The following SKAP1 variants were observed in gnomAD, a reference collection of about 807,000 sequenced individuals.
SKAP1 encodes src kinase-associated phosphoprotein 1.
A neutral mutation model predicts 58.5 loss-of-function variants in SKAP1; 44 were observed. The observed-to-expected ratio is 0.75, with a 90% confidence interval of 0.59 to 0.97. The LOEUF (loss-of-function observed/expected upper bound fraction) is 0.97. Ranked by LOEUF, SKAP1 falls within the 50% of genes least tolerant of loss-of-function variation. SKAP1 has a pLI of 0.00. For missense variants in SKAP1, 390 were observed against 435.2 expected (o/e 0.90, Z 0.92); for synonymous variants, 127 against 149.7 (o/e 0.85, Z 1.11).
chr17:48,217,537 C>T (rs1386720307), intron 4 of SKAP1, among the ~76,000 whole-genome samples: 3 of 152,046 alleles, frequency 2.0e-5, no homozygotes, highest in Non-Finnish European at 4.4e-5. Flanking sequence ...GTCCCAGCTG[C>T]TCGGGAGGCT....
At chr17:48,425,150 C>A (rs1182360704) in intron 1 of SKAP1, among the ~76,000 whole-genome samples, 1 of 151,978 alleles carries the variant, frequency 6.6e-6, no homozygotes, top group African/African-American at 2.4e-5. Flanking sequence ...CCCAGCTACT[C>A]AGGAGGCTGA....
intron 3 of SKAP1, among the ~76,000 whole-genome samples, chr17:48,347,485 A>G (rs1308609854): frequency 6.6e-6 from 1 of 152,220 alleles, no homozygotes; most frequent in Non-Finnish European, 1.5e-5. Flanking sequence ...CATAAATTAG[A>G]TGATCATATC....
chr17:48,227,267 G>A (rs777376812), intron 4 of SKAP1, among the ~76,000 whole-genome samples: 1 of 152,170 alleles, frequency 6.6e-6, no homozygotes, highest in Non-Finnish European at 1.5e-5. Flanking sequence ...GTTTATTCTT[G>A]TTCTGTGCGC....
At chr17:48,424,379 C>T (rs1286070577) in intron 1 of SKAP1, among the ~76,000 whole-genome samples, 1 of 151,720 alleles carries the variant, frequency 6.6e-6, no homozygotes, top group Non-Finnish European at 1.5e-5. Context: ...GCGCCCGCCA[C>T]CACGCCCAGC....
intron 11 of SKAP1, among the ~76,000 whole-genome samples, chr17:48,146,088 C>T (rs772522932): frequency 7.9e-5 from 12 of 152,162 alleles, no homozygotes; most frequent in East Asian, 1.9e-4. Flanking sequence ...GTTTACCAGC[C>T]GGCACTCTAT....
At position 48,306,416 on chromosome 17, in the gene SKAP1, T is replaced by C. The variant is rs559393686; in HGVS notation, c.280+39489A>G. Among the ~76,000 whole-genome samples, 3 of 152,348 alleles carry C rather than the reference T, an allele frequency of 2.0e-5. No homozygotes were observed. In the South Asian group the frequency reaches 6.2e-4, roughly 32 times the overall value. On this transcript the variant is annotated intron_variant, in intron 4 of 12. Coordinates refer to ENST00000336915, the MANE Select transcript of SKAP1 (RefSeq NM_003726.4). ...AGGCTTTGTTCATAAGAGGACTTAC[T>C]TCATTAAATCCACTCCCAGTTGGTC...
chr17:48,343,570 A>C (rs2066685053), intron 4 of SKAP1, among the ~76,000 whole-genome samples: 1 of 152,214 alleles, frequency 6.6e-6, no homozygotes, highest in Non-Finnish European at 1.5e-5. Context: ...CATGCATAGA[A>C]CTAAAAACAA....
At chr17:48,337,750 G>A (rs2066593228) in intron 4 of SKAP1, among the ~76,000 whole-genome samples, 1 of 152,148 alleles carries the variant, frequency 6.6e-6, no homozygotes, top group Non-Finnish European at 1.5e-5. Flanking sequence ...ATATAGGCAA[G>A]AGAGACACAT....
At chr17:48,205,370 C>T (rs1262834251) in intron 4 of SKAP1, among the ~76,000 whole-genome samples, 1 of 152,042 alleles carries the variant, frequency 6.6e-6, no homozygotes. Flanking sequence ...CTCGGCCTCC[C>T]AAAGTGCTGG....
intron 4 of SKAP1, among the ~76,000 whole-genome samples, chr17:48,205,556 C>T (rs1194025999): frequency 6.6e-6 from 1 of 152,102 alleles, no homozygotes; most frequent in African/African-American, 2.4e-5. Flanking sequence ...TTGACATGGT[C>T]CTCCATACAC....
chr17:48,440,935 G>C, the SKAP1 span, among the ~76,000 whole-genome samples: 1 of 152,132 alleles, frequency 6.6e-6, no homozygotes, highest in South Asian at 2.1e-4. Context: ...CATCAAAGGA[G>C]GACCCCACAG....
chr17:48,217,672 G>A (rs910628291), intron 4 of SKAP1, among the ~76,000 whole-genome samples: 6 of 151,982 alleles, frequency 3.9e-5, no homozygotes, highest in African/African-American at 1.4e-4. Context: ...AAAAGGTTAG[G>A]TAAAGGTAAA....
intron 4 of SKAP1, among the ~76,000 whole-genome samples, chr17:48,210,224 C>G (rs1216094519): frequency 6.6e-6 from 1 of 152,174 alleles, no homozygotes; most frequent in Non-Finnish European, 1.5e-5. Flanking sequence ...GAGCCATTAT[C>G]AGTCATCGAC....
intron 5 of SKAP1, 65 bp downstream of exon 5, chr17:48,189,358 C>A: frequency 7.5e-7 from 1 of 1,334,612 alleles, no homozygotes; most frequent in South Asian, 1.2e-5. Context: ...AATGTGTTAG[C>A]CTTCTTTTTC....
intron 11 of SKAP1, among the ~76,000 whole-genome samples, chr17:48,148,022 T>A (rs778213806): frequency 4.6e-5 from 7 of 152,040 alleles, no homozygotes; most frequent in Non-Finnish European, 1.0e-4. Flanking sequence ...CTGAGCTAAG[T>A]GTTCTGAGAA....
At chr17:48,178,164 A>G (rs2064317151) in intron 9 of SKAP1, among the ~76,000 whole-genome samples, 1 of 152,150 alleles carries the variant, frequency 6.6e-6, no homozygotes, top group Non-Finnish European at 1.5e-5. Flanking sequence ...CTCCTGGGGT[A>G]AGGTGACAGT....
intron 11 of SKAP1, among the ~76,000 whole-genome samples, chr17:48,141,182 T>C (rs1332093587): frequency 6.6e-6 from 1 of 152,090 alleles, no homozygotes; most frequent in East Asian, 1.9e-4. Context: ...CAGTTGCCAA[T>C]GCCTTAGGGT....
intron 1 of SKAP1, among the ~76,000 whole-genome samples, chr17:48,402,361 G>A (rs376823497): frequency 6.0e-4 from 88 of 147,854 alleles, no homozygotes; most frequent in African/African-American, 1.9e-3. Context: ...ACAGAGTCTC[G>A]CTCTATTGCC....
At chr17:48,204,972 C>CTTTTCTT (rs1424862689) in intron 4 of SKAP1, among the ~76,000 whole-genome samples, 1 of 34,568 alleles carries the variant, frequency 2.9e-5, no homozygotes, top group Admixed American at 3.6e-4. Context: ...CTTTTCTTTT[C>CTTTTCTT]TTTTCTTTCT....
Sources: gnomAD v4.1 joint callset for allele counts (sites outside exome capture counted in the v4.1 genomes callset) on GRCh38, gnomAD v4.1.1 for gene constraint, MANE v1.5 for transcripts, NCBI Gene and HGNC (gene_info 2026-07-23, HGNC 2026-07-21) for gene names.